The following LRGUK variants were observed in gnomAD, a reference collection of about 807,000 sequenced individuals.
LRGUK encodes the protein leucine rich repeats and guanylate kinase domain containing, also known as leucine-rich repeat and guanylate kinase domain-containing protein.
Under a neutral mutation model 76.0 loss-of-function variants are expected in LRGUK, and 65 were observed. The observed-to-expected ratio is 0.85, with a 90% confidence interval of 0.70 to 1.05. The LOEUF (loss-of-function observed/expected upper bound fraction) is 1.05. LRGUK is among the 50% of genes least tolerant of loss of function. LRGUK has a pLI of 0.00. For synonymous variants in LRGUK, 268 were observed against 265.6 expected (o/e 1.01, Z -0.09); for missense variants, 758 against 732.8 (o/e 1.03, Z -0.40).
intron 18 of LRGUK, among the ~76,000 whole-genome samples, chr7:134,249,583 T>A (rs1024493741): frequency 2.0e-5 from 3 of 152,210 alleles, no homozygotes; most frequent in Non-Finnish European, 4.4e-5. Flanking sequence ...CCAAAGAGTG[T>A]CTGTATTTGC....
At chr7:134,252,982 A>G (rs940669195) in intron 18 of LRGUK, among the ~76,000 whole-genome samples, 2 of 152,158 alleles carry the variant, frequency 1.3e-5, no homozygotes, top group African/African-American at 4.8e-5. Flanking sequence ...CCTTCATTTA[A>G]ATGGCAGGCT....
intron 19 of LRGUK, among the ~76,000 whole-genome samples, chr7:134,258,713 C>T (rs117383374): frequency 1.1e-3 from 169 of 151,582 alleles, no homozygotes; most frequent in Non-Finnish European, 1.9e-3. Context: ...AAAAGGTATG[C>T]GTTGTTTTAC....
rs769853907 is a variant in LRGUK, at chr7:134,174,550, G to A, written c.940-6G>A. ...CTGTTGATAATTTTTTTCTTTGATT[G>A]AACAGATTGCTGAGCTGAGAGAAAT... On this transcript the variant is annotated splice_polypyrimidine_tract_variant and splice_region_variant and intron_variant, in intron 7 of 15. Coordinates refer to ENST00000645682, the Ensembl canonical transcript of LRGUK. 4 of 1,577,398 alleles carry A rather than the reference G, an allele frequency of 2.5e-6. No individual in the cohort carries two copies. The South Asian group carries it at 4.5e-5, about 18-fold the overall frequency.
chr7:134,147,304 ACAC>A (rs1201144243), intron 4 of LRGUK, among the ~76,000 whole-genome samples: 6 of 151,824 alleles, frequency 4.0e-5, no homozygotes, highest in Non-Finnish European at 2.9e-5. Flanking sequence ...GTGTGGTGGC[ACAC>A]GTCTATAGTC....
At chr7:134,199,574 T>C (rs1157369626) in intron 14 of LRGUK, among the ~76,000 whole-genome samples, 153 bp downstream of exon 14, 1 of 152,150 alleles carries the variant, frequency 6.6e-6, no homozygotes. Context: ...CCAAGAGGTC[T>C]AATCTTCCAC....
At chr7:134,195,010 G>A (rs1044951403) in intron 12 of LRGUK, among the ~76,000 whole-genome samples, 3 of 152,106 alleles carry the variant, frequency 2.0e-5, no homozygotes, top group Admixed American at 2.0e-4. Flanking sequence ...ACAACTTAGT[G>A]GGTGGGGGGA....
chr7:134,269,383 C>G (rs1319386294), downstream of LRGUK, among the ~76,000 whole-genome samples: 1 of 135,588 alleles, frequency 7.4e-6, no homozygotes, highest in Non-Finnish European at 1.5e-5. Flanking sequence ...CAGGGTCTCT[C>G]TCTCTGTTGC....
chr7:134,258,298 G>A lies in LRGUK; in HGVS notation c.2240G>A (p.Arg747Gln), dbSNP rs756103676. The change falls in exon 19 of 20, where the codon CGG becomes CAG. Residue 747 changes from arginine (R) to glutamine (Q), a missense_variant. Coordinates refer to the LRGUK transcript ENST00000285928. ...GTTTCCATGAAATGTTCATTGTTTC[G>A]GTTCTGTCCGTGGTCAAAAGAATTG... 15 of 1,613,868 alleles carry A rather than the reference G, an allele frequency of 9.3e-6. No homozygotes were observed. The highest frequency in any genetic ancestry group is 2.2e-5 in the East Asian group (1 of 44,880).
chr7:134,244,916 G>A (rs1341359716), intron 16 of LRGUK, among the ~76,000 whole-genome samples: 1 of 151,964 alleles, frequency 6.6e-6, no homozygotes, highest in Non-Finnish European at 1.5e-5. Context: ...CATGGATGAA[G>A]CTAGAAACCA....
intron 1 of LRGUK, 113 bp downstream of exon 1, chr7:134,127,777 GCT>G (rs2116772709): frequency 8.0e-7 from 1 of 1,251,170 alleles, no homozygotes; most frequent in South Asian, 1.6e-5. Context: ...ACCTTCTCAG[GCT>G]CTCTCGCCTC....
At chr7:134,266,841 A>T (rs1179516326), downstream of LRGUK, among the ~76,000 whole-genome samples, 1 of 152,232 alleles carries the variant, frequency 6.6e-6, no homozygotes, top group Non-Finnish European at 1.5e-5. Flanking sequence ...AATTCACAAG[A>T]CACATAATAA....
intron 19 of LRGUK, among the ~76,000 whole-genome samples, chr7:134,263,623 CTTTTTTTTTTT>C (rs59840547): frequency 7.0e-5 from 8 of 114,006 alleles, no homozygotes; most frequent in African/African-American, 2.3e-4. Flanking sequence ...TCATTTCTTT[CTTTTTTTTTTT>C]TTTTTTTTTG....
chr7:134,162,420 T>C (rs1433978694), intron 6 of LRGUK, among the ~76,000 whole-genome samples: 1 of 152,210 alleles, frequency 6.6e-6, no homozygotes, highest in African/African-American at 2.4e-5. Flanking sequence ...TCAGTACTTC[T>C]GAGACACAAA....
intron 16 of LRGUK, among the ~76,000 whole-genome samples, chr7:134,239,614 C>T (rs941524657): frequency 5.3e-5 from 8 of 152,248 alleles, no homozygotes; most frequent in Admixed American, 4.6e-4. Context: ...GTAGACTCCA[C>T]CTCTGGGAGC....
intron 18 of LRGUK, among the ~76,000 whole-genome samples, chr7:134,252,136 C>T (rs1802462235): frequency 6.6e-6 from 1 of 150,930 alleles, no homozygotes; most frequent in Admixed American, 6.6e-5. Flanking sequence ...CCCAGGAGTT[C>T]AAGACCAGCC....
intron 9 of LRGUK, among the ~76,000 whole-genome samples, 183 bp downstream of exon 9, chr7:134,177,246 T>C (rs1010010114): frequency 6.6e-6 from 1 of 152,148 alleles, no homozygotes. Flanking sequence ...CAAAGGTGAG[T>C]ATCAACACAA....
At chr7:134,270,759 A>G in the LRGUK span, among the ~76,000 whole-genome samples, 4 of 152,076 alleles carry the variant, frequency 2.6e-5, no homozygotes, top group African/African-American at 9.7e-5. Flanking sequence ...AATATATGGT[A>G]ATTTATTCAC....
chr7:134,250,131 C>T (rs1489372763), intron 18 of LRGUK, among the ~76,000 whole-genome samples: 1 of 152,196 alleles, frequency 6.6e-6, no homozygotes, highest in Non-Finnish European at 1.5e-5. Context: ...AATGGACATA[C>T]AAAGTGACCG....
intron 16 of LRGUK, among the ~76,000 whole-genome samples, chr7:134,224,547 G>A (rs768829569): frequency 6.6e-6 from 1 of 152,146 alleles, no homozygotes; most frequent in Admixed American, 6.5e-5. Context: ...CTATCAGAGG[G>A]TGAAGGGTGG....
Sources: allele counts gnomAD v4.1 joint callset (sites outside exome capture counted in the v4.1 genomes callset), GRCh38; gene constraint gnomAD v4.1.1; transcripts MANE v1.5; gene names NCBI Gene and HGNC (gene_info 2026-07-23, HGNC 2026-07-21).